ZCCHC7: variants seen among roughly 807,000 people sequenced by gnomAD.
ZCCHC7 encodes the protein zinc finger CCHC-type containing 7.
ZCCHC7 carries 35 observed loss-of-function variants against 52.0 expected under a neutral mutation model. The ratio of observed to expected loss-of-function variants is 0.67; its 90% confidence interval spans 0.51 to 0.89. The LOEUF is 0.89. ZCCHC7 is among the 40% of genes least tolerant of loss of function. The probability of loss-of-function intolerance (pLI) is 0.00; values close to 1 mark genes in which losing one functional copy is unlikely to be tolerated. For synonymous variants in ZCCHC7, 217 were observed against 221.5 expected, an observed-to-expected ratio of 0.98 and a Z score of 0.18; for missense variants, 574 against 649.1, an observed-to-expected ratio of 0.88 and a Z score of 1.26.
intron 2 of ZCCHC7, among the ~76,000 whole-genome samples, chr9:37,265,862 C>T (rs781500948): frequency 2.6e-5 from 4 of 152,138 alleles, no homozygotes; most frequent in Non-Finnish European, 4.4e-5. Flanking sequence ...TATGCCATAG[C>T]ACTCCTTCAC....
In ZCCHC7 at chr9:37,348,918, T is replaced by A. The variant is rs534362371; in HGVS notation, c.988-439T>A. On this transcript the variant is annotated intron_variant, in intron 6 of 8. Coordinates refer to ENST00000336755, the MANE Select transcript of ZCCHC7 (RefSeq NM_032226.3). ...ATTTACACCTAATTTGAGAGTAAAT[T>A]TAAGTTTTACACCTGCAGGGAAACT... 2.0e-5 allele frequency among the ~76,000 whole-genome samples: 3 copies of A among 152,348 alleles called. No individual in the cohort carries two copies. The South Asian group carries it at 6.2e-4, about 32-fold the overall frequency.
rs1464827588 is a variant in ZCCHC7, at chr9:37,172,509, G to T, written c.610+45567G>T. 3.9e-5 allele frequency among the ~76,000 whole-genome samples: 6 copies of T among 152,192 alleles called. No homozygotes were observed. In the South Asian group the frequency reaches 1.2e-3, roughly 32 times the overall value. On this transcript the variant is annotated intron_variant, in intron 2 of 8. Coordinates refer to ENST00000336755, the MANE Select transcript of ZCCHC7 (RefSeq NM_032226.3). The stretch of plus-strand genomic sequence containing the variant: ...ATTCATAGATAAGTTATTTTTAAAG[G>T]CATTTCTTCTTAAAAATTTGAATAT...
intron 2 of ZCCHC7, among the ~76,000 whole-genome samples, chr9:37,250,800 G>A (rs1163937799): frequency 6.6e-6 from 1 of 152,160 alleles, no homozygotes; most frequent in Non-Finnish European, 1.5e-5. Context: ...ATTGAGCCAG[G>A]CAGATCTTTC....
chr9:37,293,112 G>A lies in ZCCHC7; in HGVS notation c.611-9076G>A, dbSNP rs186079291. ...AAGTGGAGTTGGAATGGTAGGTTGTGCTTTGGATATGTTATAGCTTGCAAT... is the reference window on the plus strand; with the variant it reads ...AAGTGGAGTTGGAATGGTAGGTTGTACTTTGGATATGTTATAGCTTGCAAT... On this transcript the variant is annotated intron_variant, in intron 2 of 8. Coordinates refer to ENST00000336755, the MANE Select transcript of ZCCHC7 (RefSeq NM_032226.3). Among the ~76,000 whole-genome samples, 27 of 152,290 alleles carry A rather than the reference G, an allele frequency of 1.8e-4. No individual in the cohort carries two copies. The East Asian group carries it at 5.0e-3, about 28-fold the overall frequency.
At chr9:37,220,904 G>A (rs939809846) in intron 2 of ZCCHC7, among the ~76,000 whole-genome samples, 4 of 152,148 alleles carry the variant, frequency 2.6e-5, no homozygotes, top group African/African-American at 4.8e-5. Flanking sequence ...TGTGAAGACC[G>A]AATGCAAGTT....
chr9:37,252,870 A>G (rs1431477185), intron 2 of ZCCHC7, among the ~76,000 whole-genome samples: 1 of 152,144 alleles, frequency 6.6e-6, no homozygotes, highest in African/African-American at 2.4e-5. Flanking sequence ...ACTTTTAGAA[A>G]TTGGTGAATT....
At chr9:37,255,323 A>G (rs779661162) in intron 2 of ZCCHC7, among the ~76,000 whole-genome samples, 2 of 152,046 alleles carry the variant, frequency 1.3e-5, no homozygotes, top group Non-Finnish European at 2.9e-5. Flanking sequence ...TTAGGCTACT[A>G]CTGACCTTGA....
intron 6 of ZCCHC7, among the ~76,000 whole-genome samples, chr9:37,339,388 G>A (rs1320253803): frequency 6.6e-6 from 1 of 152,182 alleles, no homozygotes. Context: ...CTTAAAGGGA[G>A]GAAAGGGAAC....
At chr9:37,253,125 G>A (rs1035486648) in intron 2 of ZCCHC7, among the ~76,000 whole-genome samples, 7 of 151,882 alleles carry the variant, frequency 4.6e-5, no homozygotes, top group African/African-American at 1.5e-4. Context: ...ATTCTAAAAG[G>A]TCTATAGATA....
chr9:37,184,106 A>G (rs898389134), intron 2 of ZCCHC7, among the ~76,000 whole-genome samples: 1 of 152,288 alleles, frequency 6.6e-6, no homozygotes, highest in South Asian at 2.1e-4. Flanking sequence ...AACAGTATCT[A>G]TTATGCTGAC....
At chr9:37,309,423 G>A (rs2133740298) in intron 5 of ZCCHC7, among the ~76,000 whole-genome samples, 1 of 152,318 alleles carries the variant, frequency 6.6e-6, no homozygotes, top group Non-Finnish European at 1.5e-5. Context: ...AATCTTAAGA[G>A]ATGATATCAG....
intron 6 of ZCCHC7, 143 bp from the exon 7 acceptor site, chr9:37,349,214 T>C (rs1821209762): frequency 1.5e-6 from 1 of 659,324 alleles, no homozygotes; most frequent in East Asian, 2.7e-5. Context: ...TACTTTAATA[T>C]ATGGAATCGC....
At chr9:37,237,357 T>C (rs1246485859) in intron 2 of ZCCHC7, among the ~76,000 whole-genome samples, 1 of 152,228 alleles carries the variant, frequency 6.6e-6, no homozygotes, top group African/African-American at 2.4e-5. Flanking sequence ...CTCTATGCTA[T>C]CTTTCTAGCA....
At chr9:37,214,761 A>G (rs1672224901) in intron 2 of ZCCHC7, among the ~76,000 whole-genome samples, 1 of 152,044 alleles carries the variant, frequency 6.6e-6, no homozygotes, top group Non-Finnish European at 1.5e-5. Context: ...GAGTATGTTT[A>G]GTGAAAACAA....
chr9:37,268,874 T>G (rs1031410952), intron 2 of ZCCHC7, among the ~76,000 whole-genome samples: 4 of 152,210 alleles, frequency 2.6e-5, no homozygotes, highest in Admixed American at 2.6e-4. Context: ...TGAATACTAC[T>G]GTATGCTATG....
At chr9:37,343,887 A>G (rs1364932920) in intron 6 of ZCCHC7, among the ~76,000 whole-genome samples, 1 of 152,248 alleles carries the variant, frequency 6.6e-6, no homozygotes, top group South Asian at 2.1e-4. Context: ...GAAATCAACC[A>G]TAGAAAATTT....
chr9:37,294,611 A>C (rs1036637902), intron 2 of ZCCHC7, among the ~76,000 whole-genome samples: 6 of 152,278 alleles, frequency 3.9e-5, no homozygotes, highest in African/African-American at 1.4e-4. Flanking sequence ...GTCTTACTGA[A>C]TTTTTATTAT....
intron 2 of ZCCHC7, among the ~76,000 whole-genome samples, chr9:37,279,303 C>T (rs1223013644): frequency 6.6e-6 from 1 of 150,598 alleles, no homozygotes; most frequent in African/African-American, 2.4e-5. Context: ...TAAATAGAAT[C>T]ATTTGGTGAC....
At chr9:37,131,475 G>A (rs1277929201) in intron 2 of ZCCHC7, among the ~76,000 whole-genome samples, 33 of 151,902 alleles carry the variant, frequency 2.2e-4, no homozygotes, top group African/African-American at 7.5e-4. Flanking sequence ...GTGAAACCCC[G>A]TCTCTACTAA....
Sources: allele counts gnomAD v4.1 joint callset (sites outside exome capture counted in the v4.1 genomes callset), GRCh38; gene constraint gnomAD v4.1.1; transcripts MANE v1.5; gene names NCBI Gene and HGNC (gene_info 2026-07-23, HGNC 2026-07-21).